Variants in PATJ observed in about 807,000 individuals in gnomAD.
PATJ encodes PATJ crumbs cell polarity complex component, also known as inaD-like protein.
In PATJ, 190 loss-of-function variants were observed where a neutral mutation model predicts 224.9. The observed-to-expected ratio is 0.84, with a 90% CI of 0.75 to 0.95. The LOEUF is 0.95. PATJ is among the 40% of genes least tolerant of loss of function. The pLI, the probability that PATJ is intolerant of heterozygous loss-of-function variation, is 0.00. For missense variants in PATJ, 2,121 were observed against 2,270.3 expected (o/e 0.93, Z 1.34); for synonymous variants, 769 against 820.3 (o/e 0.94, Z 1.07).
intron 38 of PATJ, among the ~76,000 whole-genome samples, chr1:62,121,592 C>T (rs1361121407): frequency 6.6e-6 from 1 of 151,698 alleles, no homozygotes; most frequent in Non-Finnish European, 1.5e-5. Context: ...CCCGTGAAAC[C>T]CCGTCTCTAT....
chr1:61,930,640 A>G (rs1422817232), intron 27 of PATJ, among the ~76,000 whole-genome samples: 1 of 152,138 alleles, frequency 6.6e-6, no homozygotes, highest in African/African-American at 2.4e-5. Flanking sequence ...TAGCTCAATC[A>G]TGGCTCACTG....
intron 15 of PATJ, among the ~76,000 whole-genome samples, chr1:61,823,758 A>C (rs929900832): frequency 1.3e-5 from 2 of 152,042 alleles, no homozygotes; most frequent in Admixed American, 1.3e-4. Flanking sequence ...TCTAAAATTT[A>C]TGTTTGCTCA....
intron 43 of PATJ, among the ~76,000 whole-genome samples, chr1:62,160,278 A>G (rs1452064477): frequency 1.3e-5 from 2 of 152,198 alleles, no homozygotes; most frequent in Non-Finnish European, 2.9e-5. Context: ...ATGACTGAGT[A>G]TATAATAAAA....
Position 61,909,180 on chromosome 1 carries a change from T to C in PATJ, c.3492+698T>C, listed in dbSNP as rs1053989395. 3.3e-5 allele frequency among the ~76,000 whole-genome samples: 5 copies of C among 152,206 alleles called. No homozygotes were observed. The East Asian group carries it at 9.7e-4, about 30-fold the overall frequency. On this transcript the variant is annotated intron_variant, in intron 25 of 43. Coordinates refer to ENST00000642238, the MANE Select transcript of PATJ (RefSeq NM_001350145.3). Reference sequence around the variant, plus strand: ...TTTTTAGTAGAGACGAGGTTTCACCTTGTTGGCTAGGCTGGTCTCAAACTC... The same window carrying C: ...TTTTTAGTAGAGACGAGGTTTCACCCTGTTGGCTAGGCTGGTCTCAAACTC...
chr1:61,961,918 G>A (rs1034049854), intron 27 of PATJ, among the ~76,000 whole-genome samples: 5 of 148,260 alleles, frequency 3.4e-5, no homozygotes, highest in East Asian at 2.0e-4. Context: ...GCAGTGAGCC[G>A]AGATCACGCC....
At chr1:62,131,016 A>G (rs778227418) in intron 41 of PATJ, among the ~76,000 whole-genome samples, 1 of 152,178 alleles carries the variant, frequency 6.6e-6, no homozygotes, top group Non-Finnish European at 1.5e-5. Context: ...ACTAGTCTTT[A>G]AGTTAAAATT....
At chr1:62,090,528 G>A (rs1239112715) in intron 33 of PATJ, among the ~76,000 whole-genome samples, 1 of 152,084 alleles carries the variant, frequency 6.6e-6, no homozygotes, top group African/African-American at 2.4e-5. Flanking sequence ...TAGAGCCATG[G>A]CATCCACTTT....
intron 14 of PATJ, among the ~76,000 whole-genome samples, chr1:61,820,912 G>A (rs1229771470): frequency 6.6e-6 from 1 of 152,114 alleles, no homozygotes; most frequent in Non-Finnish European, 1.5e-5. Context: ...ACCTCCTTTA[G>A]ATGTCCTGCT....
At chr1:61,786,473 A>G (rs1049214547) in intron 7 of PATJ, among the ~76,000 whole-genome samples, 3 of 152,016 alleles carry the variant, frequency 2.0e-5, no homozygotes, top group Non-Finnish European at 4.4e-5. Flanking sequence ...ATCTGGCTGT[A>G]TACCTGTTAC....
rs1391142963 is a variant in PATJ, at chr1:61,910,554, T to TTTC, written c.3492+2074_3492+2075insCTT. On this transcript the variant is annotated intron_variant, in intron 25 of 43. Coordinates refer to ENST00000642238, the MANE Select transcript of PATJ (RefSeq NM_001350145.3). ...AGTGACTCTTTTTTTTTTTTTTTTT[T>TTTC]TTTTTTTTTTGGAGACAGGGTCTTA... is the stretch of plus-strand genomic sequence containing the variant. Among the ~76,000 whole-genome samples, 2 of 136,790 alleles carry TTTC rather than the reference T, an allele frequency of 1.5e-5. 1 individual carries two copies. The highest frequency in any genetic ancestry group is 5.3e-5 in the African/African-American group (2 of 37,492). 89.7% of individuals were successfully genotyped at this position (136,790 alleles called of 152,430 possible).
chr1:61,938,036 T>C (rs1295277639), intron 27 of PATJ, among the ~76,000 whole-genome samples: 1 of 152,126 alleles, frequency 6.6e-6, no homozygotes, highest in Non-Finnish European at 1.5e-5. Context: ...TGAATGTGAG[T>C]GTTTTCTCCA....
rs1665284755 is a variant in PATJ at position 62,123,168 on chromosome 1, T to C, written c.5043+110T>C. 6 of 745,870 alleles carry C rather than the reference T, an allele frequency of 8.0e-6. No homozygotes were observed. The South Asian group carries it at 1.1e-4, about 14-fold the overall frequency. The allele number at this position is 745,870 out of a possible 1,614,324, so 46.2% of individuals were successfully genotyped here. The stretch of plus-strand genomic sequence containing the variant: ...GGATTGTGAGTGTGCTCTTTCAAGT[T>C]ACTGAGATAAAAATATGGTCTAAAT... On this transcript the variant is annotated intron_variant, in intron 39 of 43. Transcript: ENST00000642238.
At chr1:61,819,628 G>A (rs546473864) in intron 14 of PATJ, among the ~76,000 whole-genome samples, 25 of 152,158 alleles carry the variant, frequency 1.6e-4, no homozygotes, top group East Asian at 1.4e-3. Context: ...GGGGGGGCGC[G>A]GGTGGGAAGG....
intron 14 of PATJ, among the ~76,000 whole-genome samples, chr1:61,814,543 T>TGC (rs1444580435): frequency 3.6e-5 from 5 of 138,878 alleles, no homozygotes; most frequent in South Asian, 5.0e-4. Flanking sequence ...TGTGTGTGTG[T>TGC]GTGTGCGCGC....
At chr1:61,757,687 C>A (rs1006075271) in intron 1 of PATJ, among the ~76,000 whole-genome samples, 2 of 151,992 alleles carry the variant, frequency 1.3e-5, no homozygotes, top group African/African-American at 4.8e-5. Flanking sequence ...TGCCTGGCTC[C>A]CTAGTTTTTA....
At chr1:61,793,538 C>G (rs1165078978) in intron 9 of PATJ, among the ~76,000 whole-genome samples, 1 of 151,714 alleles carries the variant, frequency 6.6e-6, no homozygotes, top group East Asian at 1.9e-4. Flanking sequence ...CCCAGGAGTT[C>G]AAGACCAGCT....
intron 17 of PATJ, among the ~76,000 whole-genome samples, chr1:61,840,981 C>T (rs1660991174): frequency 6.6e-6 from 1 of 151,906 alleles, no homozygotes. Flanking sequence ...CATGAATTTG[C>T]TAATGGTTTT....
At chr1:61,841,059 C>T (rs766664581) in intron 17 of PATJ, among the ~76,000 whole-genome samples, 5 of 151,524 alleles carry the variant, frequency 3.3e-5, no homozygotes, top group East Asian at 1.9e-4. Flanking sequence ...TTATATATGG[C>T]GGTAATTAAT....
At chr1:61,965,037 G>A (rs528278943) in intron 27 of PATJ, among the ~76,000 whole-genome samples, 30 of 143,802 alleles carry the variant, frequency 2.1e-4, no homozygotes, top group African/African-American at 6.5e-4. Flanking sequence ...GCTTGAACCC[G>A]AAAGGTGGAG....
Sources: gnomAD v4.1 joint callset for allele counts (sites outside exome capture counted in the v4.1 genomes callset) on GRCh38, gnomAD v4.1.1 for gene constraint, MANE v1.5 for transcripts, NCBI Gene and HGNC (gene_info 2026-07-23, HGNC 2026-07-21) for gene names.